The following OLA1 variants were observed in gnomAD, a reference collection of about 807,000 sequenced individuals.
The protein encoded by OLA1 is Obg like ATPase 1, also known as obg-like ATPase 1.
In OLA1, 14 loss-of-function variants were observed where a neutral mutation model predicts 48.4. That is an observed-to-expected ratio of 0.29 (90% confidence interval 0.19 to 0.45). OLA1 has a LOEUF of 0.45. OLA1 is among the 20% of genes least tolerant of loss of function. The pLI, the probability that OLA1 is intolerant of heterozygous loss-of-function variation, is 1.00. For missense variants in OLA1, 325 were observed against 467.1 expected, an observed-to-expected ratio of 0.70 and a Z score of 2.80; for synonymous variants, 127 against 150.4, an observed-to-expected ratio of 0.84 and a Z score of 1.14.
chr2:174,198,833 A>G (rs1687932888), intron 4 of OLA1, among the ~76,000 whole-genome samples: 1 of 152,154 alleles, frequency 6.6e-6, no homozygotes, highest in Admixed American at 6.5e-5. Context: ...TAATTTCATA[A>G]TAATATTAAC....
chr2:174,102,181 T>C (rs999536038), intron 7 of OLA1, among the ~76,000 whole-genome samples: 5 of 152,040 alleles, frequency 3.3e-5, no homozygotes, highest in African/African-American at 9.7e-5. Context: ...GGGAGCACGC[T>C]GGACAACTGT....
intron 4 of OLA1, among the ~76,000 whole-genome samples, chr2:174,149,371 A>G (rs1686691075): frequency 6.6e-6 from 1 of 151,948 alleles, no homozygotes; most frequent in African/African-American, 2.4e-5. Context: ...ATATATGTTG[A>G]TGTCTTTCTT....
chr2:174,100,482 G>A (rs1685366744), intron 7 of OLA1, among the ~76,000 whole-genome samples: 2 of 152,078 alleles, frequency 1.3e-5, no homozygotes, highest in Admixed American at 6.5e-5. Flanking sequence ...ATGGTTCACT[G>A]CAGCCTCAAA....
chr2:174,175,210 C>T (rs28695420), intron 4 of OLA1, among the ~76,000 whole-genome samples: 22,353 of 150,164 alleles, frequency 0.15, 2,927 homozygotes, highest in African/African-American at 0.36. Flanking sequence ...ATTTCTGAAC[C>T]GGACACAAAA....
At chr2:174,092,470 G>C (rs527237381) in intron 7 of OLA1, among the ~76,000 whole-genome samples, 2 of 151,472 alleles carry the variant, frequency 1.3e-5, no homozygotes, top group African/African-American at 4.9e-5. Context: ...TTTGAGACCA[G>C]CCTGGGCAAC....
At chr2:174,199,731 A>G (rs1229690416) in intron 4 of OLA1, among the ~76,000 whole-genome samples, 3 of 147,246 alleles carry the variant, frequency 2.0e-5, no homozygotes, top group Non-Finnish European at 4.4e-5. Flanking sequence ...TAATATGAGT[A>G]CAGAATGTTC....
chr2:174,108,971 C>A (rs572198088), intron 7 of OLA1, among the ~76,000 whole-genome samples: 1 of 152,278 alleles, frequency 6.6e-6, no homozygotes, highest in Non-Finnish European at 1.5e-5. Context: ...CTGTGCCACA[C>A]GTGTTTGTCA....
At chr2:174,166,107 AGAGT>A (rs1687157222) in intron 4 of OLA1, among the ~76,000 whole-genome samples, 1 of 144,600 alleles carries the variant, frequency 6.9e-6, no homozygotes, top group African/African-American at 2.6e-5. Flanking sequence ...CCTGGGCAAC[AGAGT>A]GAGACTCCAT....
At chr2:174,213,887 C>A (rs1229124663) in intron 4 of OLA1, among the ~76,000 whole-genome samples, 1 of 151,858 alleles carries the variant, frequency 6.6e-6, no homozygotes, top group African/African-American at 2.4e-5. Context: ...GTACTTAATG[C>A]CACTGAACTC....
At chr2:174,179,599 G>T (rs1687487653) in intron 4 of OLA1, among the ~76,000 whole-genome samples, 1 of 151,874 alleles carries the variant, frequency 6.6e-6, no homozygotes, top group Non-Finnish European at 1.5e-5. Context: ...CATATCTACT[G>T]GATAACAATA....
chr2:174,163,706 AAATAAATATATATATATAT>A (rs1687068679), intron 4 of OLA1, among the ~76,000 whole-genome samples: 1 of 51,094 alleles, frequency 2.0e-5, no homozygotes, highest in African/African-American at 9.8e-5. Context: ...TAAAATAAAT[AAATAAATATATATATATAT>A]ATATATATAT....
chr2:174,180,683 G>A (rs1301878608), intron 4 of OLA1, among the ~76,000 whole-genome samples: 4 of 152,232 alleles, frequency 2.6e-5, no homozygotes, highest in Admixed American at 2.6e-4. Flanking sequence ...TGGCCTACTT[G>A]GCCCTAACCG....
intron 4 of OLA1, among the ~76,000 whole-genome samples, chr2:174,183,535 T>C (rs975325744): frequency 2.0e-5 from 3 of 152,220 alleles, no homozygotes; most frequent in Admixed American, 6.5e-5. Context: ...TACTCCCAAA[T>C]AGCTACCTTA....
chr2:174,242,332 TCAC>T (rs1689022534), intron 2 of OLA1, among the ~76,000 whole-genome samples: 1 of 152,234 alleles, frequency 6.6e-6, no homozygotes, highest in African/African-American at 2.4e-5. Flanking sequence ...CATGCGCAGT[TCAC>T]AACAGGGCCT....
At chr2:174,104,540 T>C (rs1685471360) in intron 7 of OLA1, among the ~76,000 whole-genome samples, 1 of 152,164 alleles carries the variant, frequency 6.6e-6, no homozygotes, top group South Asian at 2.1e-4. Flanking sequence ...CTATGAACTT[T>C]GGGAAAGAGC....
At chr2:174,181,321 T>C (rs576848173) in intron 4 of OLA1, among the ~76,000 whole-genome samples, 1 of 152,218 alleles carries the variant, frequency 6.6e-6, no homozygotes, top group South Asian at 2.1e-4. Context: ...TTTAGCTTTG[T>C]TGTGAAGGCA....
At chr2:174,161,447 TTGAC>T (rs1429418245) in intron 4 of OLA1, among the ~76,000 whole-genome samples, 1 of 152,142 alleles carries the variant, frequency 6.6e-6, no homozygotes, top group Non-Finnish European at 1.5e-5. Context: ...ATCTTATTGC[TTGAC>T]TAACAGATTT....
At chr2:174,187,040 TTAA>T (rs1354507649) in intron 4 of OLA1, among the ~76,000 whole-genome samples, 1 of 152,150 alleles carries the variant, frequency 6.6e-6, no homozygotes, top group African/African-American at 2.4e-5. Flanking sequence ...CACATGCCAT[TTAA>T]TAATATGATC....
chr2:174,112,023 T>C (rs1685664711), intron 7 of OLA1, among the ~76,000 whole-genome samples: 1 of 152,210 alleles, frequency 6.6e-6, no homozygotes, highest in Non-Finnish European at 1.5e-5. Flanking sequence ...CCACTCTCAG[T>C]TGGCATTTTC....
Sources: gnomAD v4.1 joint callset for allele counts (sites outside exome capture counted in the v4.1 genomes callset) on GRCh38, gnomAD v4.1.1 for gene constraint, MANE v1.5 for transcripts, NCBI Gene and HGNC (gene_info 2026-07-23, HGNC 2026-07-21) for gene names.